Variants in LOC128462377 observed in about 807,000 individuals in gnomAD.
At chr16:89,369,113 G>A in the LOC128462377 span, among the ~76,000 whole-genome samples, 1 of 152,040 alleles carries the variant, frequency 6.6e-6, no homozygotes, top group Non-Finnish European at 1.5e-5. Context: ...GCTCTGGCCT[G>A]ACAATCTACC....
At chr16:89,318,800 G>A in the LOC128462377 span, among the ~76,000 whole-genome samples, 6 of 152,222 alleles carry the variant, frequency 3.9e-5, no homozygotes, top group Non-Finnish European at 8.8e-5. Flanking sequence ...TGGAGAGAGG[G>A]ACAGGTCGGG....
the LOC128462377 span, among the ~76,000 whole-genome samples, chr16:89,381,088 C>T: frequency 4.9e-4 from 74 of 152,124 alleles, no homozygotes; most frequent in African/African-American, 1.7e-3. Context: ...TTTGGGAGGC[C>T]GAGGCAGGTG....
chr16:89,319,785 AG>A, the LOC128462377 span, among the ~76,000 whole-genome samples: 1 of 152,246 alleles, frequency 6.6e-6, no homozygotes, highest in Non-Finnish European at 1.5e-5. Flanking sequence ...CCAGGCGTGC[AG>A]CACGCGGCCC....
At chr16:89,352,994 T>C in the LOC128462377 span, among the ~76,000 whole-genome samples, 7 of 152,224 alleles carry the variant, frequency 4.6e-5, no homozygotes, top group Non-Finnish European at 8.8e-5. Context: ...TTGAATATAT[T>C]AACTTTACAG....
the LOC128462377 span, among the ~76,000 whole-genome samples, chr16:89,358,698 G>A: frequency 6.6e-6 from 1 of 152,166 alleles, no homozygotes; most frequent in African/African-American, 2.4e-5. Flanking sequence ...CCCACAAGCT[G>A]CCCTCGCTGG....
chr16:89,340,917 C>T, the LOC128462377 span, among the ~76,000 whole-genome samples: 26 of 152,300 alleles, frequency 1.7e-4, no homozygotes, highest in African/African-American at 5.8e-4. Flanking sequence ...TTTTCAATGT[C>T]CAAATGTGGG....
chr16:89,409,371 T>C, the LOC128462377 span, among the ~76,000 whole-genome samples: 1 of 152,090 alleles, frequency 6.6e-6, no homozygotes, highest in Non-Finnish European at 1.5e-5. Context: ...AGGGGTGGGG[T>C]GGGAAGGCGG....
At chr16:89,357,041 A>G in the LOC128462377 span, among the ~76,000 whole-genome samples, 1 of 152,194 alleles carries the variant, frequency 6.6e-6, no homozygotes, top group Non-Finnish European at 1.5e-5. Flanking sequence ...CAGGCTTGAC[A>G]TCTTTTATTC....
the LOC128462377 span, among the ~76,000 whole-genome samples, chr16:89,335,620 C>T: frequency 6.6e-6 from 1 of 151,960 alleles, no homozygotes; most frequent in African/African-American, 2.4e-5. Flanking sequence ...TGCAAAGCCC[C>T]GTCACACACA....
At chr16:89,349,069 A>G in the LOC128462377 span, among the ~76,000 whole-genome samples, 1 of 137,922 alleles carries the variant, frequency 7.3e-6, no homozygotes, top group African/African-American at 2.7e-5. Context: ...CGGAGGTTAC[A>G]GTGAGTCTAG....
At chr16:89,351,194 G>A in the LOC128462377 span, among the ~76,000 whole-genome samples, 2 of 152,256 alleles carry the variant, frequency 1.3e-5, no homozygotes, top group African/African-American at 2.4e-5. Flanking sequence ...CAGAGAGGCG[G>A]CGGCGGCAGC....
chr16:89,320,693 G>C, the LOC128462377 span, among the ~76,000 whole-genome samples: 1 of 152,348 alleles, frequency 6.6e-6, no homozygotes, highest in South Asian at 2.1e-4. Flanking sequence ...TGTGGGCTCA[G>C]GGAACTTGCC....
At chr16:89,406,279 C>G in the LOC128462377 span, among the ~76,000 whole-genome samples, 4 of 152,168 alleles carry the variant, frequency 2.6e-5, no homozygotes, top group South Asian at 8.3e-4. Context: ...CCAGGACAGA[C>G]ATGTCTCAGG....
the LOC128462377 span, among the ~76,000 whole-genome samples, chr16:89,375,841 C>T: frequency 6.6e-6 from 1 of 150,748 alleles, no homozygotes; most frequent in African/African-American, 2.4e-5. Context: ...ATACCATAAA[C>T]CCTAAATGAC....
At chr16:89,389,481 G>A in the LOC128462377 span, among the ~76,000 whole-genome samples, 1 of 152,308 alleles carries the variant, frequency 6.6e-6, no homozygotes, top group South Asian at 2.1e-4. Flanking sequence ...AGTAGATGGA[G>A]ACATGAAATC....
chr16:89,390,296 G>A, the LOC128462377 span, among the ~76,000 whole-genome samples: 1 of 148,398 alleles, frequency 6.7e-6, no homozygotes. Context: ...AGATCACTGG[G>A]GCGAACACCG....
At chr16:89,346,757 A>G in the LOC128462377 span, among the ~76,000 whole-genome samples, 1 of 152,258 alleles carries the variant, frequency 6.6e-6, no homozygotes, top group South Asian at 2.1e-4. Context: ...AAATGTATTT[A>G]TATTTATCGC....
At chr16:89,326,378 GC>G in the LOC128462377 span, among the ~76,000 whole-genome samples, 774 of 151,190 alleles carry the variant, frequency 5.1e-3, 8 homozygotes, top group African/African-American at 0.018. Context: ...CGCAGCCACC[GC>G]CCCCCCCACC....
the LOC128462377 span, among the ~76,000 whole-genome samples, chr16:89,377,137 TC>T: frequency 6.6e-6 from 1 of 152,160 alleles, no homozygotes; most frequent in Admixed American, 6.5e-5. Context: ...CCCCGTGAGT[TC>T]AACAGCAGAG....
Sources: allele counts gnomAD v4.1 joint callset (sites outside exome capture counted in the v4.1 genomes callset), GRCh38; gene constraint gnomAD v4.1.1; transcripts MANE v1.5.